Variants in DSG4 observed in about 807,000 individuals in gnomAD.
DSG4 encodes desmoglein-4.
Under a neutral mutation model 93.1 loss-of-function variants are expected in DSG4, and 87 were observed. The ratio of observed to expected loss-of-function variants is 0.93; its 90% CI spans 0.79 to 1.12. The LOEUF (loss-of-function observed/expected upper bound fraction) is 1.12, where lower values mean the gene tolerates loss of function less well. Among genes scored for constraint, DSG4 ranks in the 50% most tolerant of loss-of-function variants. DSG4 has a pLI of 0.00. For synonymous variants in DSG4, 432 were observed against 452.9 expected, an observed-to-expected ratio of 0.95 and a Z score of 0.59; for missense variants, 1,373 against 1,285.7, an observed-to-expected ratio of 1.07 and a Z score of -1.04.
intron 3 of DSG4, 36 bp downstream of exon 3, chr18:31,386,855 G>T (rs1414372690): frequency 6.2e-7 from 1 of 1,611,824 alleles, no homozygotes; most frequent in East Asian, 2.2e-5. Flanking sequence ...AAATGCTTTT[G>T]CAGAGCAGGG....
Position 31,400,934 on chromosome 18 carries a change from G to C in DSG4, c.1331G>C (p.Gly444Ala), listed in dbSNP as rs565601569. ...GSWLKIDSRT[G>A]EIQFSREFDK... ...TGGTTAAAAATTGATTCAAGAACTG[G>C]TGAGATACAATTTTCTAGAGAATTT... Residue 444 changes from glycine to alanine, a missense_variant, in exon 10 of 16, where the codon GGT becomes GCT. Coordinates refer to ENST00000308128, the MANE Select transcript of DSG4 (RefSeq NM_177986.5). 1 of 1,612,466 alleles carries C rather than the reference G, an allele frequency of 6.2e-7. No individual in the cohort carries two copies. The highest frequency in any genetic ancestry group is 1.1e-5 in the South Asian group (1 of 90,952).
Position 31,406,343 on chromosome 18 carries a change from A to C in DSG4, c.1903A>C (p.Met635Leu), listed in dbSNP as rs973081386. 2 of 1,614,214 alleles carry C rather than the reference A, an allele frequency of 1.2e-6. No homozygotes were observed. Among genetic ancestry groups the C allele is most frequent in the Non-Finnish European group, 1.7e-6 (2 of 1,180,040 alleles). Residue 635 changes from methionine to leucine, a missense_variant, in exon 12 of 16, where the codon ATG becomes CTG. Coordinates refer to ENST00000308128, the MANE Select transcript of DSG4 (RefSeq NM_177986.5). ...TGGTCTTGGACCAGCAGGGATTGGC[A>C]TGATGGTTCTGGGCATCCTGCTACT... ...NVGLGPAGIG[M>L]MVLGILLLIL...
rs2072509101 is a variant in DSG4, at chr18:31,412,808, G to C, written c.2356-20G>C. The C allele has an allele frequency of 6.2e-7, 1 of 1,613,618 alleles. No homozygotes were observed. The highest frequency in any genetic ancestry group is 8.5e-7 in the Non-Finnish European group (1 of 1,179,742). On this transcript the variant is annotated intron_variant, in intron 15 of 15. Transcript: ENST00000308128. The stretch of plus-strand genomic sequence containing the variant: ...TAGGGAAAAAGAAATTTCTAATTCT[G>C]TATTTCCTTTTAATTTTAGAAAGCG...
chr18:31,405,140 T>C (rs1350462778), intron 11 of DSG4, among the ~76,000 whole-genome samples: 1 of 152,212 alleles, frequency 6.6e-6, no homozygotes, highest in African/African-American at 2.4e-5. Context: ...ATAAAAAATA[T>C]TGTGTGCTAT....
rs191729498 is a variant in DSG4 at position 31,414,569 on chromosome 18, C to T, written c.*974C>T. 1 of 152,306 alleles carries T rather than the reference C, an allele frequency of 6.6e-6. No homozygotes were observed. 9.4% of individuals were successfully genotyped at this position (152,306 alleles called of 1,614,324 possible). A position where few individuals can be genotyped will look rare whatever the true frequency, so the allele number is the denominator to read the frequency against. The stretch of plus-strand genomic sequence containing the variant: ...TCTGTGAATATACAGGTAAAGAAGA[C>T]AGACATGGTTTCTGCCTTCATAGAG... On this transcript the variant is annotated 3_prime_UTR_variant, in exon 16 of 16. Transcript: ENST00000308128.
intron 14 of DSG4, 89 bp from the exon 15 acceptor site, chr18:31,411,142 T>TGGCACCGCAGACGGCGGC: frequency 1.2e-6 from 2 of 1,613,482 alleles, no homozygotes; most frequent in Non-Finnish European, 1.7e-6. Flanking sequence ...CGGGTGGTGG[T>TGGCACCGCAGACGGCGGC]GGCACCGCAG....
chr18:31,396,222 T>C, intron 8 of DSG4, among the ~76,000 whole-genome samples: 1 of 152,092 alleles, frequency 6.6e-6, no homozygotes, highest in Admixed American at 6.6e-5. Flanking sequence ...TGATTCTCTA[T>C]TTTTATAATA....
chr18:31,403,337 T>G, intron 10 of DSG4, 79 bp from the exon 11 acceptor site: 6 of 1,198,196 alleles, frequency 5.0e-6, no homozygotes, highest in Non-Finnish European at 7.2e-6. Flanking sequence ...ACAAGTTCCA[T>G]GGCATCATCA....
intron 2 of DSG4, among the ~76,000 whole-genome samples, chr18:31,385,561 C>T (rs2072178682): frequency 6.6e-6 from 1 of 151,962 alleles, no homozygotes; most frequent in South Asian, 2.1e-4. Flanking sequence ...TTGTATAATC[C>T]CAACTAAATG....
Position 31,397,519 on chromosome 18 carries a change from C to T in DSG4, c.1006-1753C>T, listed in dbSNP as rs72929918. On this transcript the variant is annotated intron_variant, in intron 8 of 15. Transcript: ENST00000308128. ...ATGAGTAAACAATTTTATGCCTTTCCTCTATTTGGCTTTCCTCCAAGAGGA... is the reference window on the plus strand; with the variant it reads ...ATGAGTAAACAATTTTATGCCTTTCTTCTATTTGGCTTTCCTCCAAGAGGA... 9.2e-3 allele frequency among the ~76,000 whole-genome samples: 1,400 copies of T among 152,150 alleles called. 4 individuals are homozygous for T. Among genetic ancestry groups the T allele is most frequent in the Middle Eastern group, 0.02 (6 of 294 alleles).
chr18:31,380,057 G>A (rs777140668), intron 1 of DSG4, among the ~76,000 whole-genome samples: 6 of 152,100 alleles, frequency 3.9e-5, no homozygotes, highest in Non-Finnish European at 7.4e-5. Context: ...CAGTGGATAA[G>A]TTTATATTTT....
At chr18:31,409,298 C>T (rs893481029) in intron 12 of DSG4, among the ~76,000 whole-genome samples, 154 bp from the exon 13 acceptor site, 1 of 152,188 alleles carries the variant, frequency 6.6e-6, no homozygotes, top group Non-Finnish European at 1.5e-5. Context: ...TATGTATACT[C>T]AATCCCCTAA....
chr18:31,389,375 G>A (rs1324608343), intron 5 of DSG4, among the ~76,000 whole-genome samples: 1 of 152,094 alleles, frequency 6.6e-6, no homozygotes, highest in Non-Finnish European at 1.5e-5. Context: ...AAAATGTTTG[G>A]CTGACCCACA....
intron 1 of DSG4, among the ~76,000 whole-genome samples, chr18:31,382,038 A>T (rs1049501750): frequency 6.6e-6 from 1 of 152,086 alleles, no homozygotes; most frequent in Non-Finnish European, 1.5e-5. Context: ...CATTAATGCA[A>T]CCTATCAAAA....
intron 4 of DSG4, 138 bp from the exon 5 acceptor site, chr18:31,388,734 CAT>C: frequency 7.3e-7 from 1 of 1,372,016 alleles, no homozygotes; most frequent in South Asian, 1.2e-5. Context: ...GTGTCCTGAT[CAT>C]ATTTAAATTA....
In DSG4 at chr18:31,406,122, T is replaced by C; in HGVS notation, c.1682T>C (p.Phe561Ser). Residue 561 changes from phenylalanine to serine, a missense_variant, in exon 12 of 16, where the codon TTT (phenylalanine) becomes TCT (serine). Physicochemically the swap from Phe to Ser is radical, Grantham distance 155. Transcript: ENST00000308128. ...LTAKQVLSPG[F>S]YEIPILVKDS... ...GCTAAGCAGGTTTTATCTCCAGGAT[T>C]TTATGAAATCCCAATCCTGGTGAAG... 1.9e-6 allele frequency: 3 copies of C among 1,614,146 alleles called. No individual in the cohort carries two copies. Among genetic ancestry groups the C allele is most frequent in the Non-Finnish European group, 2.5e-6 (3 of 1,180,026 alleles).
chr18:31,403,046 T>A (rs959375461), intron 10 of DSG4, among the ~76,000 whole-genome samples: 2 of 152,048 alleles, frequency 1.3e-5, no homozygotes, highest in Admixed American at 1.3e-4. Flanking sequence ...GTCTAATTTA[T>A]GGGAACAGGG....
At position 31,399,391 on chromosome 18, in the gene DSG4, A is replaced by G; in HGVS notation, c.1125A>G (p.Gln375=). 6.2e-7 allele frequency: 1 copy of G among 1,614,104 alleles called. No homozygotes were observed. The highest frequency in any genetic ancestry group is 1.3e-5 in the African/African-American group (1 of 75,052). The change falls in exon 9 of 16, where the codon CAA becomes CAG. Residue 375 remains glutamine, a synonymous_variant. Transcript: ENST00000308128. ...FQMHPTPVRI[Q]VVDVREGPAF... ...TGCACCCAACCCCTGTGAGAATTCA[A>G]GTTGTTGATGTGAGAGAAGGACCTG... is the stretch of plus-strand genomic sequence containing the variant.
intron 8 of DSG4, among the ~76,000 whole-genome samples, chr18:31,393,747 T>C (rs2144184497): frequency 6.6e-6 from 1 of 152,312 alleles, no homozygotes; most frequent in South Asian, 2.1e-4. Context: ...TTTAGCCTTC[T>C]GGAAGCAAAC....
Sources: allele counts gnomAD v4.1 joint callset (sites outside exome capture counted in the v4.1 genomes callset), GRCh38; gene constraint gnomAD v4.1.1; transcripts MANE v1.5; gene names NCBI Gene and HGNC (gene_info 2026-07-23, HGNC 2026-07-21).